The following RBM20 variants were observed in gnomAD, a reference collection of about 807,000 sequenced individuals.
The protein encoded by RBM20 is RNA-binding protein 20.
A neutral mutation model predicts 110.1 loss-of-function variants in RBM20; 51 were observed. The ratio of observed to expected loss-of-function variants is 0.46; its 90% confidence interval spans 0.37 to 0.59. The LOEUF (loss-of-function observed/expected upper bound fraction) is 0.59. Among genes scored for constraint, RBM20 ranks in the 20% least tolerant of loss-of-function variants. The pLI, the probability that RBM20 is intolerant of heterozygous loss-of-function variation, is 0.00. For missense variants in RBM20, 1,512 were observed against 1,574.9 expected, an observed-to-expected ratio of 0.96 and a Z score of 0.68; for synonymous variants, 589 against 618.2, an observed-to-expected ratio of 0.95 and a Z score of 0.70.
At chr10:110,668,362 A>G (rs1001839738) in intron 1 of RBM20, among the ~76,000 whole-genome samples, 2 of 152,196 alleles carry the variant, frequency 1.3e-5, no homozygotes, top group Non-Finnish European at 2.9e-5. Context: ...GCAGCCAGTC[A>G]TAATACTGAA....
In RBM20 at chr10:110,823,622, A is replaced by G; in HGVS notation, c.3451+8A>G. The G allele has an allele frequency of 6.4e-7, 1 of 1,551,354 alleles. No individual in the cohort carries two copies. Among genetic ancestry groups the G allele is most frequent in the Non-Finnish European group, 8.7e-7 (1 of 1,146,876 alleles). On this transcript the variant is annotated splice_region_variant and intron_variant, in intron 12 of 13. Transcript: ENST00000369519. ...AACTTAGCATTCCTCTAGGTAAGCAAAACACACAGTCTTTCCTGAAATTCA... is the reference window on the plus strand; with the variant it reads ...AACTTAGCATTCCTCTAGGTAAGCAGAACACACAGTCTTTCCTGAAATTCA...
intron 8 of RBM20, 26 bp downstream of exon 8, chr10:110,810,488 AG>A (rs771635068): frequency 6.6e-7 from 1 of 1,523,686 alleles, no homozygotes; most frequent in African/African-American, 1.4e-5. Flanking sequence ...CCAAGTCTCC[AG>A]GCAGGTTCTG....
At chr10:110,726,126 G>A (rs1420240295) in intron 1 of RBM20, among the ~76,000 whole-genome samples, 2 of 152,188 alleles carry the variant, frequency 1.3e-5, no homozygotes, top group African/African-American at 2.4e-5. Context: ...TCAGTGGAAT[G>A]TTCTGTCCCA....
At position 110,813,098 on chromosome 10, in the gene RBM20, A is replaced by G. The variant is rs61862917; in HGVS notation, c.2550+151A>G. Among the ~76,000 whole-genome samples, 6,166 of 152,328 alleles carry G rather than the reference A, an allele frequency of 0.04. 176 individuals carry two copies. The highest frequency in any genetic ancestry group is 0.1 in the South Asian group (501 of 4,834). On this transcript the variant is annotated intron_variant, in intron 9 of 13. Transcript: ENST00000369519. ...GCACTGTGCAAGACACTTTATCTCA[A>G]TGAACTCATTTAATCCTCACAGGTT...
intron 1 of RBM20, among the ~76,000 whole-genome samples, chr10:110,674,391 G>C (rs935103933): frequency 1.3e-5 from 2 of 152,162 alleles, no homozygotes; most frequent in African/African-American, 4.8e-5. Flanking sequence ...CTACTTTCAG[G>C]TTAGAGCAGG....
intron 7 of RBM20, among the ~76,000 whole-genome samples, chr10:110,801,450 A>G (rs899473234): frequency 1.3e-4 from 20 of 152,016 alleles, no homozygotes; most frequent in Admixed American, 3.3e-4. Context: ...AAAGTTTTCA[A>G]TGGTCCACAT....
At chr10:110,818,574 A>G (rs540767202) in intron 9 of RBM20, among the ~76,000 whole-genome samples, 1 of 152,354 alleles carries the variant, frequency 6.6e-6, no homozygotes, top group South Asian at 2.1e-4. Context: ...CTCTCCTGGA[A>G]GTGATCCCAC....
intron 12 of RBM20, among the ~76,000 whole-genome samples, chr10:110,830,228 C>T (rs1248736084): frequency 2.6e-5 from 4 of 152,204 alleles, no homozygotes; most frequent in Non-Finnish European, 5.9e-5. Context: ...TGCAAAACAC[C>T]TTCGTGGAGG....
intron 1 of RBM20, among the ~76,000 whole-genome samples, chr10:110,682,655 G>C (rs563950547): frequency 1.3e-5 from 2 of 152,336 alleles, no homozygotes; most frequent in South Asian, 4.1e-4. Context: ...GTTGGAAGAA[G>C]ATTCCCAAAG....
chr10:110,720,489 T>C (rs993301716), intron 1 of RBM20, among the ~76,000 whole-genome samples: 3 of 152,140 alleles, frequency 2.0e-5, no homozygotes, highest in African/African-American at 7.2e-5. Context: ...CATCCTGGAC[T>C]CTCATCTTTC....
intron 9 of RBM20, among the ~76,000 whole-genome samples, chr10:110,815,761 T>G (rs1844829800): frequency 6.6e-6 from 1 of 152,188 alleles, no homozygotes; most frequent in South Asian, 2.1e-4. Context: ...TGACACTATG[T>G]GTCAGCCAAA....
At chr10:110,647,752 G>A (rs746858316) in intron 1 of RBM20, among the ~76,000 whole-genome samples, 26 of 152,066 alleles carry the variant, frequency 1.7e-4, no homozygotes, top group African/African-American at 4.3e-4. Context: ...TGTTTTAATC[G>A]TGAGCTTTAA....
In RBM20 at chr10:110,680,745, C is replaced by G. The variant is rs139509399; in HGVS notation, c.191+36100C>G. Among the ~76,000 whole-genome samples the G allele has an allele frequency of 2.0e-3, 302 of 152,232 alleles. 8 individuals are homozygous for G. In the South Asian group the frequency reaches 0.038, roughly 19 times the overall value. ...GGCAGGACCTTCTCCTTCACCCCAG[C>G]TTTGATGCACCTATACCAGGTTTGA... On this transcript the variant is annotated intron_variant, in intron 1 of 13. Coordinates refer to ENST00000369519, the MANE Select transcript of RBM20 (RefSeq NM_001134363.3).
At chr10:110,806,868 A>G (rs1844701733) in intron 7 of RBM20, among the ~76,000 whole-genome samples, 1 of 152,200 alleles carries the variant, frequency 6.6e-6, no homozygotes, top group Admixed American at 6.5e-5. Context: ...TTACCCACAG[A>G]ATACAGAAGC....
intron 1 of RBM20, among the ~76,000 whole-genome samples, chr10:110,707,907 T>C (rs12267353): frequency 0.13 from 20,542 of 152,222 alleles, 1,503 homozygotes; most frequent in African/African-American, 0.16. Flanking sequence ...GGAATTGTAA[T>C]GTTCCTAACA....
chr10:110,781,941 C>T, intron 2 of RBM20, 57 bp downstream of exon 2: 2 of 1,548,648 alleles, frequency 1.3e-6, no homozygotes, highest in South Asian at 1.2e-5. Flanking sequence ...AGGCCTTTCC[C>T]CATGACCCAA....
chr10:110,678,541 G>A (rs1862375411), intron 1 of RBM20, among the ~76,000 whole-genome samples: 1 of 152,186 alleles, frequency 6.6e-6, no homozygotes, highest in Non-Finnish European at 1.5e-5. Flanking sequence ...GGAAGGTACA[G>A]TTTGGTTTTG....
chr10:110,716,249 A>G (rs370568102), intron 1 of RBM20, among the ~76,000 whole-genome samples: 7 of 152,204 alleles, frequency 4.6e-5, no homozygotes, highest in Admixed American at 3.3e-4. Flanking sequence ...AGAAGGCCCC[A>G]GATGTCTCCC....
At chr10:110,708,077 AG>A (rs1370709410) in intron 1 of RBM20, among the ~76,000 whole-genome samples, 5 of 152,224 alleles carry the variant, frequency 3.3e-5, no homozygotes, top group Non-Finnish European at 7.3e-5. Flanking sequence ...GGTTATAAAA[AG>A]GTTGGATGAA....
Sources: allele counts gnomAD v4.1 joint callset (sites outside exome capture counted in the v4.1 genomes callset), GRCh38; gene constraint gnomAD v4.1.1; transcripts MANE v1.5; gene names NCBI Gene and HGNC (gene_info 2026-07-23, HGNC 2026-07-21).